SPART: variants seen among roughly 807,000 people sequenced by gnomAD.
The protein encoded by SPART is spastic paraplegia 20 (Troyer syndrome).
In SPART, 35 loss-of-function variants were observed where a neutral mutation model predicts 58.7. The observed-to-expected ratio is 0.60, with a 90% CI of 0.46 to 0.79. The LOEUF is 0.79. Among genes scored for constraint, SPART ranks in the 30% least tolerant of loss-of-function variants. The pLI is 0.00. For synonymous variants in SPART, 284 were observed against 280.7 expected, an observed-to-expected ratio of 1.01 and a Z score of -0.12; for missense variants, 730 against 786.1, an observed-to-expected ratio of 0.93 and a Z score of 0.85.
rs1881467045 is a variant in SPART at position 36,314,424 on chromosome 13, T to G, written c.1289-3A>C. The stretch of plus-strand genomic sequence containing the variant: ...ACCCCAACTCACCCAGGAAGCACCT[T>G]TTTAAAAGAAAATTTAAAATTGCAC... On this transcript the variant is annotated splice_region_variant and splice_polypyrimidine_tract_variant and intron_variant, in intron 5 of 8. Transcript: ENST00000438666. 6.2e-7 allele frequency: 1 copy of G among 1,613,962 alleles called. No homozygotes were observed. The highest frequency in any genetic ancestry group is 1.3e-5 in the African/African-American group (1 of 74,940).
At chr13:36,359,923 T>TAAAAA (rs375878141) in intron 1 of SPART, among the ~76,000 whole-genome samples, 3,106 of 120,228 alleles carry the variant, frequency 0.026, 80 homozygotes, top group African/African-American at 0.054. Context: ...GTTGTTAATT[T>TAAAAA]AAAAAAAAAA....
chr13:36,315,638 C>G (rs1045074661), intron 5 of SPART, among the ~76,000 whole-genome samples: 3 of 152,232 alleles, frequency 2.0e-5, no homozygotes, highest in African/African-American at 7.2e-5. Flanking sequence ...TGACAATCAA[C>G]TTCTGGGGAA....
At chr13:36,344,724 T>G (rs908927936) in intron 1 of SPART, among the ~76,000 whole-genome samples, 2 of 152,152 alleles carry the variant, frequency 1.3e-5, no homozygotes, top group Non-Finnish European at 2.9e-5. Context: ...GTCAATCAAG[T>G]GTCCTGAAAA....
At chr13:36,336,518 A>C (rs1328154391) in intron 1 of SPART, among the ~76,000 whole-genome samples, 1 of 152,202 alleles carries the variant, frequency 6.6e-6, no homozygotes, top group East Asian at 1.9e-4. Flanking sequence ...CCAACTAGGC[A>C]CTTAACAGAT....
intron 1 of SPART, among the ~76,000 whole-genome samples, chr13:36,340,132 G>A (rs1884432643): frequency 6.6e-6 from 1 of 151,708 alleles, no homozygotes; most frequent in Admixed American, 6.6e-5. Context: ...GGAGGCTGAG[G>A]TGGGCAGATC....
intron 1 of SPART, chr13:36,369,369 A>G (rs1886188078): frequency 6.6e-6 from 1 of 152,172 alleles, no homozygotes; most frequent in Non-Finnish European, 1.5e-5. Context: ...GCAGACATCT[A>G]AGGTCTATGA....
chr13:36,338,241 T>C (rs1884211523), intron 1 of SPART, among the ~76,000 whole-genome samples: 1 of 152,184 alleles, frequency 6.6e-6, no homozygotes, highest in Admixed American at 6.5e-5. Flanking sequence ...ATGCATTTTA[T>C]GTGATTCCTC....
intron 1 of SPART, among the ~76,000 whole-genome samples, chr13:36,359,536 C>G (rs748169300): frequency 5.3e-5 from 8 of 152,180 alleles, no homozygotes; most frequent in Non-Finnish European, 8.8e-5. Context: ...ACAGTCTTAC[C>G]TACTACCTAC....
intron 5 of SPART, among the ~76,000 whole-genome samples, chr13:36,318,947 C>A (rs972133482): frequency 6.6e-6 from 1 of 152,198 alleles, no homozygotes; most frequent in South Asian, 2.1e-4. Context: ...CGGAAGCCCC[C>A]TAGACCATCA....
intron 1 of SPART, among the ~76,000 whole-genome samples, chr13:36,343,986 AC>A (rs1162133703): frequency 2.0e-5 from 3 of 151,208 alleles, no homozygotes; most frequent in Non-Finnish European, 4.4e-5. Flanking sequence ...CTATGACTGC[AC>A]CACTGCACTC....
intron 1 of SPART, among the ~76,000 whole-genome samples, chr13:36,336,572 G>A (rs1164380675): frequency 6.6e-6 from 1 of 152,154 alleles, no homozygotes; most frequent in Non-Finnish European, 1.5e-5. Context: ...GAAGACAAGT[G>A]GAACTCTTCT....
chr13:36,329,252 T>C (rs548034885), intron 4 of SPART, 110 bp downstream of exon 4: 1 of 1,194,692 alleles, frequency 8.4e-7, no homozygotes, highest in South Asian at 1.2e-5. Context: ...TGTTGACTAA[T>C]GCACAAGTTG....
chr13:36,339,153 T>C (rs1593270879), intron 1 of SPART, among the ~76,000 whole-genome samples: 3 of 149,436 alleles, frequency 2.0e-5, no homozygotes, highest in South Asian at 4.2e-4. Context: ...ATCCATAAAA[T>C]AAAAAGTGGG....
chr13:36,321,458 T>C (rs1593241086), intron 5 of SPART, among the ~76,000 whole-genome samples: 3 of 152,210 alleles, frequency 2.0e-5, no homozygotes, highest in Admixed American at 6.5e-5. Context: ...TGTTATTCCA[T>C]TTAGTTTCTC....
chr13:36,323,864 C>T (rs1419993172), intron 5 of SPART, among the ~76,000 whole-genome samples: 4 of 152,266 alleles, frequency 2.6e-5, no homozygotes, highest in Middle Eastern at 3.4e-3. Context: ...GGTACTGGCA[C>T]GAAGAAACTG....
intron 5 of SPART, among the ~76,000 whole-genome samples, chr13:36,322,846 A>G (rs1036987113): frequency 3.9e-5 from 6 of 152,228 alleles, no homozygotes; most frequent in Non-Finnish European, 5.9e-5. Context: ...TTCATTCTAT[A>G]TAATTTATGC....
chr13:36,340,526 T>C (rs999135197), intron 1 of SPART, among the ~76,000 whole-genome samples: 19 of 151,932 alleles, frequency 1.3e-4, no homozygotes, highest in East Asian at 1.9e-4. Flanking sequence ...AAGGCAACAA[T>C]AGAAGAAGGA....
rs1388213607 is a variant in SPART, at chr13:36,304,350, A to G, written c.*15T>C. On this transcript the variant is annotated 3_prime_UTR_variant, in exon 9 of 9. Coordinates refer to ENST00000438666, the MANE Select transcript of SPART (RefSeq NM_015087.5). Reference sequence around the variant, plus strand: ...ATTTCATAAGGCTTTGGTATAAGTGATTCCCAGCACTTCATCATTTATCTT... The same window carrying G: ...ATTTCATAAGGCTTTGGTATAAGTGGTTCCCAGCACTTCATCATTTATCTT... 5.0e-6 allele frequency: 8 copies of G among 1,613,864 alleles called. No individual in the cohort carries two copies. In the African/African-American group the frequency reaches 5.3e-5, roughly 11 times the overall value.
chr13:36,338,202 A>G (rs1359030368), intron 1 of SPART, among the ~76,000 whole-genome samples: 1 of 152,210 alleles, frequency 6.6e-6, no homozygotes, highest in Non-Finnish European at 1.5e-5. Context: ...AAAAATCATT[A>G]AACTATACAT....
Sources: allele counts gnomAD v4.1 joint callset (sites outside exome capture counted in the v4.1 genomes callset), GRCh38; gene constraint gnomAD v4.1.1; transcripts MANE v1.5; gene names NCBI Gene and HGNC (gene_info 2026-07-23, HGNC 2026-07-21).